Variants in DNAJC1 observed in about 807,000 individuals in gnomAD.
DNAJC1 encodes dnaJ homolog subfamily C member 1.
A neutral mutation model predicts 76.6 loss-of-function variants in DNAJC1; 58 were observed. The observed-to-expected ratio is 0.76, with a 90% CI of 0.61 to 0.94. The LOEUF (loss-of-function observed/expected upper bound fraction) is 0.94. Among genes scored for constraint, DNAJC1 ranks in the 40% least tolerant of loss-of-function variants. The pLI is 0.00. For missense variants in DNAJC1, 689 were observed against 677.3 expected (o/e 1.02, Z -0.19); for synonymous variants, 258 against 267.9 (o/e 0.96, Z 0.36).
At chr10:21,848,089 G>A (rs1253095197) in intron 8 of DNAJC1, among the ~76,000 whole-genome samples, 1 of 152,114 alleles carries the variant, frequency 6.6e-6, no homozygotes, top group African/African-American at 2.4e-5. Context: ...AACTATTAGT[G>A]TTTCCCTTTC....
chr10:21,904,722 CTTTT>C (rs1465829659), intron 6 of DNAJC1, 110 bp from the exon 7 acceptor site: 2 of 566,514 alleles, frequency 3.5e-6, no homozygotes, highest in African/African-American at 2.0e-5. Flanking sequence ...AGTAGGCTTT[CTTTT>C]TGTTTTCAAA....
chr10:21,945,224 A>G (rs541157072), intron 1 of DNAJC1, among the ~76,000 whole-genome samples: 70 of 152,326 alleles, frequency 4.6e-4, no homozygotes, highest in African/African-American at 1.7e-3. Context: ...AAAGTTATCA[A>G]CTGGACCAGC....
Position 21,875,232 on chromosome 10 carries a change from T to C in DNAJC1, c.978+7050A>G, listed in dbSNP as rs1243625223. Among the ~76,000 whole-genome samples the C allele has an allele frequency of 2.6e-5, 4 of 152,138 alleles. No homozygotes were observed. The East Asian group carries it at 7.7e-4, about 29-fold the overall frequency. On this transcript the variant is annotated intron_variant, in intron 8 of 11. Transcript: ENST00000376980. Reference sequence around the variant, plus strand: ...GTACAGTGATGTGATCAGAGCTCATTGCAGCCTCAAACTCCTGGACTCAAG... The same window carrying C: ...GTACAGTGATGTGATCAGAGCTCATCGCAGCCTCAAACTCCTGGACTCAAG...
intron 7 of DNAJC1, among the ~76,000 whole-genome samples, chr10:21,889,640 C>G (rs943507984): frequency 6.6e-6 from 1 of 152,148 alleles, no homozygotes; most frequent in African/African-American, 2.4e-5. Context: ...GTGGTCAGTT[C>G]TACGAGTTTT....
chr10:21,897,567 A>G (rs1220585293), intron 7 of DNAJC1, among the ~76,000 whole-genome samples: 4 of 152,214 alleles, frequency 2.6e-5, no homozygotes, highest in Non-Finnish European at 4.4e-5. Context: ...GCTTCCTGTC[A>G]GATCAGCAGT....
chr10:21,809,311 A>G (rs903002430), intron 8 of DNAJC1, among the ~76,000 whole-genome samples: 4 of 151,978 alleles, frequency 2.6e-5, no homozygotes, highest in Non-Finnish European at 5.9e-5. Context: ...CAAAAGGCTC[A>G]TTTCTATCTA....
At chr10:21,846,213 A>T (rs1835657580) in intron 8 of DNAJC1, among the ~76,000 whole-genome samples, 1 of 152,214 alleles carries the variant, frequency 6.6e-6, no homozygotes, top group African/African-American at 2.4e-5. Context: ...GAACTGAAGG[A>T]GTTCAAGCAC....
chr10:21,782,805 T>G (rs539916238), intron 9 of DNAJC1, among the ~76,000 whole-genome samples: 104 of 152,248 alleles, frequency 6.8e-4, no homozygotes, highest in African/African-American at 2.4e-3. Flanking sequence ...AAAAACCACA[T>G]GATTATCTCA....
chr10:21,799,928 G>C (rs1834795532), intron 9 of DNAJC1, among the ~76,000 whole-genome samples: 1 of 152,104 alleles, frequency 6.6e-6, no homozygotes, highest in African/African-American at 2.4e-5. Flanking sequence ...GTGTTGCTGA[G>C]GGACCTGTGT....
At chr10:21,892,837 G>C (rs575244145) in intron 7 of DNAJC1, among the ~76,000 whole-genome samples, 1 of 152,064 alleles carries the variant, frequency 6.6e-6, no homozygotes, top group East Asian at 1.9e-4. Flanking sequence ...AGATGGCATA[G>C]CAATCCTAAA....
intron 8 of DNAJC1, among the ~76,000 whole-genome samples, chr10:21,862,608 G>A (rs922468989): frequency 1.7e-4 from 25 of 151,388 alleles, no homozygotes; most frequent in African/African-American, 6.1e-4. Context: ...TTTGTATTTT[G>A]AGTAGAGACA....
intron 8 of DNAJC1, chr10:21,865,751 A>C (rs995283458): frequency 6.6e-6 from 1 of 152,138 alleles, no homozygotes; most frequent in African/African-American, 2.4e-5. Flanking sequence ...AAGCTGTTAA[A>C]AAGGGGACAT....
chr10:21,879,484 C>T (rs948671660), intron 8 of DNAJC1, among the ~76,000 whole-genome samples: 1 of 151,950 alleles, frequency 6.6e-6, no homozygotes. Flanking sequence ...ATCAGCAGGG[C>T]GTGATTGCGC....
chr10:21,908,278 A>T (rs1836792526), intron 6 of DNAJC1, among the ~76,000 whole-genome samples: 1 of 123,042 alleles, frequency 8.1e-6, no homozygotes, highest in African/African-American at 3.1e-5. Flanking sequence ...TTTTATATAT[A>T]TATATATATA....
chr10:21,977,483 TACTA>T (rs1375323319), intron 1 of DNAJC1, among the ~76,000 whole-genome samples: 1 of 152,106 alleles, frequency 6.6e-6, no homozygotes, highest in Non-Finnish European at 1.5e-5. Context: ...AAGTAGTAAT[TACTA>T]ACTAAACCCA....
chr10:21,998,406 A>G (rs953524489), intron 1 of DNAJC1, among the ~76,000 whole-genome samples: 2 of 151,520 alleles, frequency 1.3e-5, no homozygotes, highest in Non-Finnish European at 2.9e-5. Flanking sequence ...AAAAAAAAAA[A>G]AAAGAAATAC....
Position 21,928,523 on chromosome 10 carries a change from A to T in DNAJC1, c.354T>A (p.Asp118Glu), listed in dbSNP as rs1837166185. 1.9e-6 allele frequency: 3 copies of T among 1,613,366 alleles called. No individual in the cohort carries two copies. Among genetic ancestry groups the T allele is most frequent in the Non-Finnish European group, 2.5e-6 (3 of 1,179,508 alleles). Residue 118 changes from aspartate (D) to glutamate (E), a missense_variant, in exon 3 of 12, where the codon GAT becomes GAA. Asp to Glu is a conservative substitution (Grantham distance 45, BLOSUM62 2). Coordinates refer to ENST00000376980, the MANE Select transcript of DNAJC1 (RefSeq NM_022365.4). Reference protein sequence around the residue: ...QLVAIYEVLKDDERRQRYDDI... With the variant: ...QLVAIYEVLKEDERRQRYDDI... ...ACACTCACCTCTGCCTTCGTTCATC[A>T]TCCTTTAAAACTTCATAAATGGCCA...
At chr10:21,816,338 C>A (rs912451296) in intron 8 of DNAJC1, among the ~76,000 whole-genome samples, 1 of 151,814 alleles carries the variant, frequency 6.6e-6, no homozygotes, top group African/African-American at 2.4e-5. Context: ...CCAGCCTGGC[C>A]GACAGAGCAA....
At chr10:21,843,672 G>A (rs767229500) in intron 8 of DNAJC1, among the ~76,000 whole-genome samples, 33 of 151,910 alleles carry the variant, frequency 2.2e-4, no homozygotes, top group Non-Finnish European at 4.4e-4. Context: ...GATAACAGGC[G>A]TGAGCCACTG....
Sources: allele counts gnomAD v4.1 joint callset (sites outside exome capture counted in the v4.1 genomes callset), GRCh38; gene constraint gnomAD v4.1.1; transcripts MANE v1.5; gene names NCBI Gene and HGNC (gene_info 2026-07-23, HGNC 2026-07-21).